Variants in A4GALT observed in about 807,000 individuals in gnomAD.
A4GALT encodes the protein lactosylceramide 4-alpha-galactosyltransferase.
For synonymous variants in A4GALT, 257 were observed against 220.7 expected (o/e 1.16, Z -1.46); for missense variants, 512 against 486.0 (o/e 1.05, Z -0.50).
At chr22:42,705,082 G>C (rs1920978356) in intron 1 of A4GALT, among the ~76,000 whole-genome samples, 1 of 152,130 alleles carries the variant, frequency 6.6e-6, no homozygotes, top group African/African-American at 2.4e-5. Context: ...ACTTTAAAAA[G>C]CACAACCCAT....
intron 1 of A4GALT, among the ~76,000 whole-genome samples, chr22:42,715,249 T>G (rs1209247734): frequency 6.6e-6 from 1 of 152,158 alleles, no homozygotes; most frequent in African/African-American, 2.4e-5. Flanking sequence ...AGGTAGTTCC[T>G]GCCTTCATTT....
At chr22:42,703,143 T>TGTGTGTGTGTGTGTGTGTGTGTGTG (rs1555887019) in intron 1 of A4GALT, among the ~76,000 whole-genome samples, 10 of 148,292 alleles carry the variant, frequency 6.7e-5, no homozygotes, top group African/African-American at 1.7e-4. Flanking sequence ...TGTGTGTGTG[T>TGTGTGTGTGTGTGTGTGTGTGTGTG]TGTCCCCACC....
intron 1 of A4GALT, among the ~76,000 whole-genome samples, chr22:42,701,787 T>G (rs1931314660): frequency 6.6e-6 from 1 of 152,094 alleles, no homozygotes; most frequent in Non-Finnish European, 1.5e-5. Flanking sequence ...GTGCTTCCCA[T>G]GGGGTCACTA....
intron 1 of A4GALT, among the ~76,000 whole-genome samples, chr22:42,696,362 G>A (rs1200018702): frequency 6.6e-6 from 1 of 151,184 alleles, no homozygotes; most frequent in African/African-American, 2.4e-5. Flanking sequence ...GGAGGTTGCA[G>A]TGCGCCGAGA....
At chr22:42,700,791 G>A (rs1288724043) in intron 1 of A4GALT, among the ~76,000 whole-genome samples, 2 of 152,206 alleles carry the variant, frequency 1.3e-5, no homozygotes, top group African/African-American at 2.4e-5. Context: ...CCCAGCCCAC[G>A]GAACAGGCCC....
Position 42,693,137 on chromosome 22 carries a change from G to T in A4GALT, c.815C>A (p.Ala272Asp), listed in dbSNP as rs577646955. The change falls in exon 3 of 3, where the codon GCC (alanine) becomes GAC (aspartate). Residue 272 changes from alanine to aspartate, a missense_variant. By Grantham distance (126) the Ala-to-Asp change is moderately radical (BLOSUM62 -2). Coordinates refer to ENST00000642412, the MANE Select transcript of A4GALT (RefSeq NM_017436.7). ...GGGCAGGGTGGTGACGCCGCGGCAG[G>T]CGCGGCTCTCGGCCAGGCTGCGGAT... ...CSIRSLAESR[A>D]CRGVTTLPPE... is the part of the protein sequence containing the mutation. 5 of 1,605,196 alleles carry T rather than the reference G, an allele frequency of 3.1e-6. No homozygotes were observed. The East Asian group carries it at 6.7e-5, about 22-fold the overall frequency.
chr22:42,701,123 C>T (rs1281225445), intron 1 of A4GALT, among the ~76,000 whole-genome samples: 1 of 152,218 alleles, frequency 6.6e-6, no homozygotes, highest in Non-Finnish European at 1.5e-5. Context: ...AGGTGGGCTT[C>T]ACCCCCAGGG....
chr22:42,705,712 G>C (rs1195244667), intron 1 of A4GALT, among the ~76,000 whole-genome samples: 1 of 124,996 alleles, frequency 8.0e-6, no homozygotes, highest in Non-Finnish European at 1.9e-5. Context: ...ACTTTAAAAA[G>C]TAATTCCAGG....
chr22:42,710,696 CG>C lies in A4GALT; in HGVS notation c.-188+10100del, dbSNP rs1447671695. 7.6e-5 allele frequency among the ~76,000 whole-genome samples: 8 copies of C among 104,738 alleles called. No individual in the cohort carries two copies. The South Asian group carries it at 9.1e-4, about 12-fold the overall frequency. 68.7% of individuals were successfully genotyped at this position (104,738 alleles called of 152,430 possible). A position where few individuals can be genotyped will look rare whatever the true frequency, so the allele number is the denominator to read the frequency against. ...TGGGCAACAGAGCAAGACTCCAGCT[CG>C]AAATAAATAAATAAATAAATAAATA... On this transcript the variant is annotated intron_variant, in intron 1 of 2. Transcript: ENST00000642412.
intron 1 of A4GALT, among the ~76,000 whole-genome samples, chr22:42,700,033 G>T (rs1395702594): frequency 1.3e-5 from 2 of 152,174 alleles, no homozygotes; most frequent in African/African-American, 2.4e-5. Context: ...ACTAACCCAG[G>T]GGCCTACACC....
At chr22:42,713,219 G>A (rs998594790) in intron 1 of A4GALT, among the ~76,000 whole-genome samples, 3 of 152,144 alleles carry the variant, frequency 2.0e-5, no homozygotes, top group South Asian at 2.1e-4. Context: ...CTCTTAGAGC[G>A]GCTCCATGCC....
chr22:42,709,238 G>A (rs1184511833), intron 1 of A4GALT, among the ~76,000 whole-genome samples: 1 of 148,856 alleles, frequency 6.7e-6, no homozygotes, highest in East Asian at 2.0e-4. Flanking sequence ...TTTTAGTAGA[G>A]ATGGGGTTTC....
chr22:42,715,886 G>A (rs919350951), intron 1 of A4GALT, among the ~76,000 whole-genome samples: 9 of 148,976 alleles, frequency 6.0e-5, no homozygotes, highest in African/African-American at 2.0e-4. Context: ...AGGCTGGAGT[G>A]CAATGGTGCA....
At chr22:42,699,095 C>CTTT (rs58488248) in intron 1 of A4GALT, among the ~76,000 whole-genome samples, 1 of 149,384 alleles carries the variant, frequency 6.7e-6, no homozygotes. Context: ...CCTTTACCTT[C>CTTT]TTTTTTTTTT....
chr22:42,721,254 G>GGCAT (rs1569078659), upstream of A4GALT: 1 of 152,114 alleles, frequency 6.6e-6, no homozygotes, highest in Non-Finnish European at 1.5e-5. Flanking sequence ...CCGTGCTAAG[G>GGCAT]GCATTGCCTG....
rs371659635 is a variant in A4GALT, at chr22:42,716,897, CAG to C, written c.-188+3898_-188+3899del. On this transcript the variant is annotated intron_variant, in intron 1 of 2. Transcript: ENST00000642412. ...TATATCTGGGACAATGACTTTCAAA[CAG>C]GTGAAGACAGACACTCTTCCTGTTT... Among the ~76,000 whole-genome samples the C allele has an allele frequency of 2.0e-4, 30 of 152,324 alleles. No individual in the cohort carries two copies. In the East Asian group the frequency reaches 5.0e-3, roughly 25 times the overall value.
chr22:42,703,903 T>G (rs567378293), intron 1 of A4GALT, among the ~76,000 whole-genome samples: 1 of 152,252 alleles, frequency 6.6e-6, no homozygotes, highest in Admixed American at 6.5e-5. Context: ...GCCTGACAGC[T>G]TCCGCACCTG....
intron 1 of A4GALT, among the ~76,000 whole-genome samples, chr22:42,696,312 CA>C (rs1930929307): frequency 6.6e-6 from 1 of 151,008 alleles, no homozygotes; most frequent in Non-Finnish European, 1.5e-5. Flanking sequence ...CCCAGCTACT[CA>C]GGAGGCTGAG....
chr22:42,699,456 G>A (rs1000182225), intron 1 of A4GALT, among the ~76,000 whole-genome samples: 7 of 152,282 alleles, frequency 4.6e-5, no homozygotes, highest in East Asian at 1.9e-4. Flanking sequence ...GCCCCCTGGT[G>A]TGAGTGGCCA....
Sources: gnomAD v4.1 joint callset for allele counts (sites outside exome capture counted in the v4.1 genomes callset) on GRCh38, gnomAD v4.1.1 for gene constraint, MANE v1.5 for transcripts, NCBI Gene and HGNC (gene_info 2026-07-23, HGNC 2026-07-21) for gene names.